TRAPPC13: variants seen among roughly 807,000 people sequenced by gnomAD.
TRAPPC13 encodes the protein REV7-interacting novel NHEJ regulator 1.
Under a neutral mutation model 54.0 loss-of-function variants are expected in TRAPPC13, and 39 were observed. The observed-to-expected ratio is 0.72, with a 90% confidence interval of 0.56 to 0.94. TRAPPC13 has a LOEUF of 0.94. Among genes scored for constraint, TRAPPC13 ranks in the 40% least tolerant of loss-of-function variants. The probability of loss-of-function intolerance (pLI) is 0.00; values close to 1 mark genes in which losing one functional copy is unlikely to be tolerated. For synonymous variants in TRAPPC13, 148 were observed against 167.7 expected (o/e 0.88, Z 0.91); for missense variants, 386 against 488.1 (o/e 0.79, Z 1.97).
chr5:65,645,791 A>G (rs1756179532), intron 4 of TRAPPC13, among the ~76,000 whole-genome samples: 1 of 152,136 alleles, frequency 6.6e-6, no homozygotes, highest in African/African-American at 2.4e-5. Flanking sequence ...GTGACAGAGC[A>G]AGACTCTGTC....
chr5:65,625,267 T>G lies in TRAPPC13; in HGVS notation c.46+161T>G, dbSNP rs188723604. On this transcript the variant is annotated intron_variant, in intron 1 of 12. Transcript: ENST00000399438. ...GGAGGAAGCGATTTCTCCTGGATGC[T>G]TTTTAGGTTTATGGGCCCCTTTCTA... The G allele has an allele frequency of 7.8e-6, 5 of 644,108 alleles. No individual in the cohort carries two copies. The South Asian group carries it at 9.3e-5, about 12-fold the overall frequency. The allele number at this position is 644,108 out of a possible 1,614,324, so 39.9% of individuals were successfully genotyped here.
Position 65,665,101 on chromosome 5 carries a change from G to C in TRAPPC13, c.*490G>C, listed in dbSNP as rs1212281185. Reference sequence around the variant, plus strand: ...TTGGACTCGGGAAGCTGAGGCAGGAGAATCACTTGAACCGGGGAGGCAGAG... The same window carrying C: ...TTGGACTCGGGAAGCTGAGGCAGGACAATCACTTGAACCGGGGAGGCAGAG... On this transcript the variant is annotated 3_prime_UTR_variant, in exon 13 of 13. Coordinates refer to ENST00000399438, the MANE Select transcript of TRAPPC13 (RefSeq NM_024941.4). 1 of 162,148 alleles carries C rather than the reference G, an allele frequency of 6.2e-6. No homozygotes were observed. The highest frequency in any genetic ancestry group is 2.4e-5 in the African/African-American group (1 of 41,502). The allele number at this position is 162,148 out of a possible 1,614,324, so 10.0% of individuals were successfully genotyped here. A position where few individuals can be genotyped will look rare whatever the true frequency, so the allele number is the denominator to read the frequency against.
intron 6 of TRAPPC13, 48 bp downstream of exon 6, chr5:65,650,930 C>A: frequency 1.5e-6 from 2 of 1,335,742 alleles, no homozygotes; most frequent in Admixed American, 1.8e-5. Context: ...CTTTTTCTTC[C>A]TGGTAGTATA....
Position 65,664,324 on chromosome 5 carries a change from G to T in TRAPPC13, c.1086G>T (p.Leu362=), listed in dbSNP as rs1291099960. Residue 362 remains leucine, a synonymous_variant, in exon 12 of 13, where the codon CTG becomes CTT. Transcript: ENST00000399438. ...CGISGRQLGK[L]HPSSSLCLAL... ...TTTCAGGAAGACAGCTGGGAAAGCT[G>T]CATCCAAGTTCTTCGCTCTGTCTTG... is the stretch of plus-strand genomic sequence containing the variant. The T allele has an allele frequency of 6.2e-7, 1 of 1,613,852 alleles. No individual in the cohort carries two copies. The highest frequency in any genetic ancestry group is 1.3e-5 in the African/African-American group (1 of 74,922).
intron 5 of TRAPPC13, 137 bp downstream of exon 5, chr5:65,647,319 T>A: frequency 1.5e-6 from 1 of 677,036 alleles, no homozygotes; most frequent in Non-Finnish European, 2.3e-6. Context: ...TTGGCATGTT[T>A]ACCAGAAATA....
chr5:65,642,446 CTT>C (rs1308586678), intron 4 of TRAPPC13, among the ~76,000 whole-genome samples: 1 of 152,032 alleles, frequency 6.6e-6, no homozygotes, highest in Non-Finnish European at 1.5e-5. Context: ...AAATCCAAGA[CTT>C]AAAAAATTAC....
At chr5:65,643,054 C>CT (rs940465663) in intron 4 of TRAPPC13, among the ~76,000 whole-genome samples, 1 of 151,930 alleles carries the variant, frequency 6.6e-6, no homozygotes, top group Non-Finnish European at 1.5e-5. Context: ...AAATTAAAAA[C>CT]TTTTTTTATA....
At chr5:65,657,054 G>A (rs1756682364) in intron 8 of TRAPPC13, among the ~76,000 whole-genome samples, 1 of 151,390 alleles carries the variant, frequency 6.6e-6, no homozygotes, top group South Asian at 2.1e-4. Context: ...TCTACTCTGG[G>A]CAACAGAGCA....
At chr5:65,634,698 C>A (rs996236693) in intron 1 of TRAPPC13, among the ~76,000 whole-genome samples, 3 of 151,398 alleles carry the variant, frequency 2.0e-5, no homozygotes, top group Non-Finnish European at 4.4e-5. Context: ...AGGGACCAGC[C>A]TGGCCAACAT....
At chr5:65,631,156 T>G (rs923209811) in intron 1 of TRAPPC13, among the ~76,000 whole-genome samples, 4 of 152,124 alleles carry the variant, frequency 2.6e-5, no homozygotes, top group Admixed American at 1.3e-4. Context: ...GACCTTGCCC[T>G]CACACAGCTT....
At chr5:65,658,194 T>G in intron 8 of TRAPPC13, 174 bp from the exon 9 acceptor site, 1 of 541,932 alleles carries the variant, frequency 1.8e-6, no homozygotes, top group Non-Finnish European at 3.0e-6. Flanking sequence ...CCCTGTTAAT[T>G]ATGATAGGGT....
At chr5:65,637,419 C>G (rs923151083) in intron 3 of TRAPPC13, among the ~76,000 whole-genome samples, 3 of 151,960 alleles carry the variant, frequency 2.0e-5, no homozygotes, top group African/African-American at 7.2e-5. Flanking sequence ...ATCATGAGAT[C>G]AGGAGATCGA....
chr5:65,656,634 G>A (rs968099990), intron 8 of TRAPPC13, among the ~76,000 whole-genome samples: 7 of 151,976 alleles, frequency 4.6e-5, no homozygotes, highest in South Asian at 2.1e-4. Context: ...TCAGCCAGGC[G>A]CGGTGGCTCA....
chr5:65,629,705 C>G (rs901717162), intron 1 of TRAPPC13: 57 of 1,535,922 alleles, frequency 3.7e-5, no homozygotes, highest in Non-Finnish European at 1.9e-5. Context: ...AAGATTTATA[C>G]CTTGGTTTCC....
At chr5:65,646,927 G>C (rs1361714326) in intron 4 of TRAPPC13, 128 bp from the exon 5 acceptor site, 9 of 875,566 alleles carry the variant, frequency 1.0e-5, no homozygotes, top group Non-Finnish European at 1.5e-5. Context: ...ACACATAAAA[G>C]TGTTGCTCCC....
Position 65,664,344 on chromosome 5 carries a change from G to T in TRAPPC13, c.1106G>T (p.Cys369Phe). Residue 369 changes from cysteine to phenylalanine, a missense_variant, in exon 12 of 13, where the codon TGT becomes TTT. Cys to Phe is a radical substitution (Grantham distance 205). Coordinates refer to ENST00000399438, the MANE Select transcript of TRAPPC13 (RefSeq NM_024941.4). ...AAGCTGCATCCAAGTTCTTCGCTCTGTCTTGCCCTTACTCTGCTTTCTTCA... is the reference window on the plus strand; with the variant it reads ...AAGCTGCATCCAAGTTCTTCGCTCTTTCTTGCCCTTACTCTGCTTTCTTCA... ...LGKLHPSSSL[C>F]LALTLLSSVQ... The T allele has an allele frequency of 6.2e-7, 1 of 1,613,964 alleles. No individual in the cohort carries two copies. The highest frequency in any genetic ancestry group is 8.5e-7 in the Non-Finnish European group (1 of 1,179,864).
intron 9 of TRAPPC13, among the ~76,000 whole-genome samples, chr5:65,660,443 AAGG>A (rs1443565042): frequency 6.6e-6 from 1 of 151,996 alleles, no homozygotes; most frequent in Non-Finnish European, 1.5e-5. Flanking sequence ...AAAAAAAAAA[AAGG>A]GACCCCTGCC....
At chr5:65,655,493 T>C (rs958309864) in intron 7 of TRAPPC13, 143 bp from the exon 8 acceptor site, 1 of 269,338 alleles carries the variant, frequency 3.7e-6, no homozygotes, top group African/African-American at 2.2e-5. Context: ...TTATGTTGCT[T>C]CCTGTTTACT....
chr5:65,663,106 G>A (rs1756901843), intron 11 of TRAPPC13: 1 of 151,942 alleles, frequency 6.6e-6, no homozygotes, highest in Admixed American at 6.6e-5. Context: ...AAGACCCTGT[G>A]CTTATAGGGT....
Sources: gnomAD v4.1 joint callset for allele counts (sites outside exome capture counted in the v4.1 genomes callset) on GRCh38, gnomAD v4.1.1 for gene constraint, MANE v1.5 for transcripts, NCBI Gene and HGNC (gene_info 2026-07-23, HGNC 2026-07-21) for gene names.